Variants in ATE1 observed in about 807,000 individuals in gnomAD.
ATE1 encodes arginyltransferase 1, also known as arginyl-tRNA--protein transferase 1.
A neutral mutation model predicts 70.5 loss-of-function variants in ATE1; 36 were observed. The observed-to-expected ratio is 0.51, with a 90% confidence interval of 0.39 to 0.67. The LOEUF (loss-of-function observed/expected upper bound fraction) is 0.67, where lower values mean the gene tolerates loss of function less well. Among genes scored for constraint, ATE1 ranks in the 30% least tolerant of loss-of-function variants. ATE1 has a pLI of 0.00. For synonymous variants in ATE1, 232 were observed against 219.3 expected (o/e 1.06, Z -0.51); for missense variants, 593 against 629.5 (o/e 0.94, Z 0.62).
intron 10 of ATE1, among the ~76,000 whole-genome samples, chr10:121,815,229 G>A (rs1407234117): frequency 1.3e-5 from 2 of 152,144 alleles, no homozygotes; most frequent in African/African-American, 2.4e-5. Context: ...TCCGCCTCCC[G>A]GGTTCACGCC....
chr10:121,777,528 G>A (rs542400999), intron 11 of ATE1, among the ~76,000 whole-genome samples: 1 of 151,684 alleles, frequency 6.6e-6, no homozygotes, highest in Non-Finnish European at 1.5e-5. Context: ...GAAACCTCTT[G>A]GCTTCAAGAG....
chr10:121,848,617 A>T (rs1189673217), intron 8 of ATE1, among the ~76,000 whole-genome samples: 1 of 150,592 alleles, frequency 6.6e-6, no homozygotes, highest in Non-Finnish European at 1.5e-5. Flanking sequence ...AAACTCAAAA[A>T]AAAAAAAAAA....
At chr10:121,894,538 G>C (rs918551614) in intron 7 of ATE1, among the ~76,000 whole-genome samples, 2 of 152,134 alleles carry the variant, frequency 1.3e-5, no homozygotes, top group African/African-American at 4.8e-5. Flanking sequence ...ACATACATAA[G>C]AGACTTGTAC....
chr10:121,924,148 G>C, intron 2 of ATE1, 118 bp downstream of exon 2: 1 of 849,968 alleles, frequency 1.2e-6, no homozygotes, highest in Non-Finnish European at 1.9e-6. Context: ...CTACATAAAA[G>C]AATATAATAA....
chr10:121,823,119 T>C (rs1947865530), intron 10 of ATE1, among the ~76,000 whole-genome samples: 1 of 151,820 alleles, frequency 6.6e-6, no homozygotes, highest in African/African-American at 2.4e-5. Context: ...TGCAACCCCA[T>C]CTCTACTAAA....
chr10:121,901,039 G>T (rs1364841279), intron 6 of ATE1, among the ~76,000 whole-genome samples: 1 of 152,142 alleles, frequency 6.6e-6, no homozygotes, highest in East Asian at 1.9e-4. Flanking sequence ...GGCCGAGGCG[G>T]GTGATCACCT....
chr10:121,927,327 CTTTTT>C, intron 1 of ATE1: 1 of 811,686 alleles, frequency 1.2e-6, no homozygotes, highest in Non-Finnish European at 1.5e-6. Flanking sequence ...GTTTCTTGTC[CTTTTT>C]TTTTTTAACT....
At chr10:121,917,061 G>A (rs1590722368) in intron 3 of ATE1, among the ~76,000 whole-genome samples, 1 of 152,176 alleles carries the variant, frequency 6.6e-6, no homozygotes, top group South Asian at 2.1e-4. Context: ...CTACTCAGGA[G>A]GCTGAGGCAG....
intron 7 of ATE1, among the ~76,000 whole-genome samples, chr10:121,879,535 G>T (rs886353289): frequency 1.3e-5 from 2 of 152,178 alleles, no homozygotes; most frequent in Non-Finnish European, 2.9e-5. Flanking sequence ...ACATAGTAGG[G>T]ACTCAAATAT....
intron 8 of ATE1, among the ~76,000 whole-genome samples, chr10:121,868,719 A>G (rs535760182): frequency 2.6e-5 from 4 of 152,118 alleles, no homozygotes; most frequent in Non-Finnish European, 5.9e-5. Flanking sequence ...TTCAAAGCCT[A>G]GACTCTTTCC....
In ATE1 at chr10:121,842,813, C is replaced by CT. The variant is rs1948680266; in HGVS notation, c.976-1551dup. 2.0e-5 allele frequency among the ~76,000 whole-genome samples: 3 copies of CT among 152,128 alleles called. No homozygotes were observed. In the East Asian group the frequency reaches 5.8e-4, roughly 29 times the overall value. ...GGCAAGACCCAACACCTATTCATGA[C>CT]TAATCACTCTTAACAAACTGGGAAC... is the stretch of plus-strand genomic sequence containing the variant. On this transcript the variant is annotated intron_variant, in intron 8 of 11. Transcript: ENST00000224652.
intron 7 of ATE1, among the ~76,000 whole-genome samples, chr10:121,879,253 TC>T (rs2134097622): frequency 1.3e-5 from 2 of 152,188 alleles, no homozygotes; most frequent in East Asian, 3.9e-4. Flanking sequence ...GAAATGTACT[TC>T]CCCCAGCTAT....
At chr10:121,856,205 T>C (rs1030268603) in intron 8 of ATE1, among the ~76,000 whole-genome samples, 1 of 151,920 alleles carries the variant, frequency 6.6e-6, no homozygotes, top group Non-Finnish European at 1.5e-5. Context: ...TAGTATTAAG[T>C]ATAATACATG....
At chr10:121,902,793 C>T (rs1340612861) in intron 5 of ATE1, among the ~76,000 whole-genome samples, 173 bp from the exon 6 acceptor site, 1 of 152,144 alleles carries the variant, frequency 6.6e-6, no homozygotes, top group African/African-American at 2.4e-5. Flanking sequence ...TAAAATTCTA[C>T]CTTAGAAGTG....
chr10:121,780,543 T>C (rs757129151), intron 11 of ATE1, among the ~76,000 whole-genome samples: 4 of 152,200 alleles, frequency 2.6e-5, no homozygotes, highest in South Asian at 4.1e-4. Context: ...AAAGAACACA[T>C]CTGCCAAAGC....
At chr10:121,856,946 C>G (rs1160415204) in intron 8 of ATE1, among the ~76,000 whole-genome samples, 1 of 152,188 alleles carries the variant, frequency 6.6e-6, no homozygotes. Context: ...TAACATCATA[C>G]CTCTGTAATG....
chr10:121,847,160 A>C (rs1206109976), intron 8 of ATE1, among the ~76,000 whole-genome samples: 1 of 152,214 alleles, frequency 6.6e-6, no homozygotes, highest in African/African-American at 2.4e-5. Context: ...TTTAAAAATA[A>C]TCATGCGGCT....
At chr10:121,900,551 T>G (rs1459295609) in intron 6 of ATE1, among the ~76,000 whole-genome samples, 1 of 152,208 alleles carries the variant, frequency 6.6e-6, no homozygotes, top group Non-Finnish European at 1.5e-5. Context: ...AGTAACCTTG[T>G]AAAATAAGGA....
intron 1 of ATE1, among the ~76,000 whole-genome samples, chr10:121,924,859 G>A (rs1228957758): frequency 9.6e-5 from 3 of 31,344 alleles, no homozygotes; most frequent in East Asian, 1.4e-3. Context: ...AAAACACATC[G>A]AAGTTAATTA....
Sources: allele counts gnomAD v4.1 joint callset (sites outside exome capture counted in the v4.1 genomes callset), GRCh38; gene constraint gnomAD v4.1.1; transcripts MANE v1.5; gene names NCBI Gene and HGNC (gene_info 2026-07-23, HGNC 2026-07-21).